TUBGCP2: variants seen among roughly 807,000 people sequenced by gnomAD.
The protein encoded by TUBGCP2 is tubulin gamma complex component 2.
Under a neutral mutation model 92.2 loss-of-function variants are expected in TUBGCP2, and 55 were observed. The observed-to-expected ratio is 0.60, with a 90% CI of 0.48 to 0.75. The LOEUF is 0.75. Among genes scored for constraint, TUBGCP2 ranks in the 30% least tolerant of loss-of-function variants. The pLI, the probability that TUBGCP2 is intolerant of heterozygous loss-of-function variation, is 0.00. For missense variants in TUBGCP2, 1,093 were observed against 1,188.9 expected, an observed-to-expected ratio of 0.92 and a Z score of 1.19; for synonymous variants, 533 against 505.2, an observed-to-expected ratio of 1.06 and a Z score of -0.74.
chr10:133,289,131 C>A, intron 9 of TUBGCP2, 111 bp from the exon 10 acceptor site: 1 of 1,253,972 alleles, frequency 8.0e-7, no homozygotes, highest in Non-Finnish European at 1.1e-6. Context: ...GCTCTCCACA[C>A]GGTCAGTCTG....
Position 133,302,889 on chromosome 10 carries a change from C to T in TUBGCP2, c.53G>A (p.Arg18His), listed in dbSNP as rs146974037. 15 of 1,613,916 alleles carry T rather than the reference C, an allele frequency of 9.3e-6. No homozygotes were observed. The African/African-American group carries it at 1.5e-4, about 16-fold the overall frequency. ...HDVNELLSLL[R>H]VHGGDGAEVY... ...CTCAGCCCCATCTCCTCCGTGGACA[C>T]GCAGCAGGCTAAGCAGTTCATTGAC... Residue 18 changes from arginine (R) to histidine (H), a missense_variant, in exon 2 of 18, where the codon CGT becomes CAT. Physicochemically the swap from Arg to His is conservative, Grantham distance 29 (BLOSUM62 0). This residue lies in a region of TUBGCP2 where 490 missense variants were observed against 488.5 expected (regional missense o/e 1.00). Coordinates refer to ENST00000252936, the MANE Select transcript of TUBGCP2 (RefSeq NM_006659.4).
At chr10:133,312,275 C>G (rs1289705948), upstream of TUBGCP2, 6 of 1,271,096 alleles carry the variant, frequency 4.7e-6, no homozygotes, top group African/African-American at 9.2e-5. Context: ...CTAGCATGAC[C>G]TGTACTGTCT....
At chr10:133,283,691 T>C (rs3008332) in intron 14 of TUBGCP2, among the ~76,000 whole-genome samples, 191 bp downstream of exon 14, 190 of 7,166 alleles carry the variant, frequency 0.027, 27 homozygotes, top group African/African-American at 0.055. Flanking sequence ...CTCTCCCGCA[T>C]TCCCTGCCTC....
Position 133,293,038 on chromosome 10 carries a change from C to T in TUBGCP2, c.1024+1G>A, listed in dbSNP as rs752909493. The T allele has an allele frequency of 1.2e-6, 2 of 1,612,590 alleles. No homozygotes were observed. The highest frequency in any genetic ancestry group is 3.3e-5 in the Admixed American group (2 of 60,014). On this transcript the variant is annotated splice_donor_variant, in intron 7 of 17. Coordinates refer to ENST00000252936, the MANE Select transcript of TUBGCP2 (RefSeq NM_006659.4). LOFTEE classifies it high-confidence loss of function. ...CCCATGCCCCCCGGGCGGGCACGCA[C>T]CGAGGGAGGCCAGGATGTCCATGGT... is the stretch of plus-strand genomic sequence containing the variant.
chr10:133,295,713 G>C (rs969731460), intron 5 of TUBGCP2: 1 of 152,546 alleles, frequency 6.6e-6, no homozygotes, highest in African/African-American at 2.4e-5. Flanking sequence ...GGAACGTGGA[G>C]TGCTGGCAGC....
intron 3 of TUBGCP2, 76 bp downstream of exon 3, chr10:133,299,909 G>C: frequency 6.4e-7 from 1 of 1,565,782 alleles, no homozygotes; most frequent in African/African-American, 1.4e-5. Context: ...AGATGGCGTG[G>C]AGTGAGCAGG....
In TUBGCP2 at chr10:133,293,205, C is replaced by A. The variant is rs1446634909; in HGVS notation, c.858G>T (p.Gly286=). 99 of 1,613,666 alleles carry A rather than the reference C, an allele frequency of 6.1e-5. No individual in the cohort carries two copies. The highest frequency in any genetic ancestry group is 8.2e-5 in the Non-Finnish European group (97 of 1,180,040). ...FIEEKSSFEY[G]QVNHALAAAM... is the part of the protein sequence containing the mutation. The stretch of plus-strand genomic sequence containing the variant: ...CGGCCGCCAGGGCGTGGTTCACCTG[C>A]CCGTACTCGAAGGAAGACTTCTCTT... The change falls in exon 7 of 18, where the codon GGG becomes GGT. Residue 286 remains glycine (G), a synonymous_variant. Transcript: ENST00000252936.
intron 4 of TUBGCP2, among the ~76,000 whole-genome samples, chr10:133,298,548 G>A (rs1337552067): frequency 2.0e-5 from 3 of 152,266 alleles, no homozygotes; most frequent in African/African-American, 7.2e-5. Context: ...TCCTTACCCT[G>A]CCGGAGAAGG....
In TUBGCP2 at chr10:133,285,377, TG is replaced by T; in HGVS notation, c.1895+78del. 1.2e-6 allele frequency: 2 copies of T among 1,601,562 alleles called. No individual in the cohort carries two copies. Among genetic ancestry groups the T allele is most frequent in the Non-Finnish European group, 1.7e-6 (2 of 1,174,934 alleles). On this transcript the variant is annotated intron_variant, in intron 12 of 17. Coordinates refer to ENST00000252936, the MANE Select transcript of TUBGCP2 (RefSeq NM_006659.4). The surrounding 1 kb of genome is among the most constrained non-coding windows in gnomAD (Gnocchi z 6.8). ...GCCTTGGGTCCTCTGTGGGACGAGG[TG>T]GCCACCGCGTGGCACAGTTCTCGCT... is the stretch of plus-strand genomic sequence containing the variant.
intron 5 of TUBGCP2, chr10:133,295,682 C>T (rs564888168): frequency 6.5e-6 from 1 of 152,996 alleles, no homozygotes; most frequent in Admixed American, 6.5e-5. Flanking sequence ...TGGATGCCCA[C>T]ACGGTGAGGA....
chr10:133,305,493 C>T (rs989489466), intron 1 of TUBGCP2, among the ~76,000 whole-genome samples: 3 of 152,068 alleles, frequency 2.0e-5, no homozygotes, highest in Admixed American at 2.0e-4. Flanking sequence ...TCCCCGGGCC[C>T]GCTGTCTTTT....
upstream of TUBGCP2, chr10:133,309,567 C>A: frequency 7.2e-7 from 1 of 1,385,474 alleles, no homozygotes; most frequent in Middle Eastern, 1.9e-4. Context: ...TGCGGCCGCC[C>A]CACCGAGGCG....
At position 133,285,436 on chromosome 10, in the gene TUBGCP2, C is replaced by T. The variant is rs532970199; in HGVS notation, c.1895+20G>A. On this transcript the variant is annotated intron_variant, in intron 12 of 17. Transcript: ENST00000252936. This position sits in a 1 kb window ranked among gnomAD's most constrained non-coding sequence, Gnocchi z 6.8. Reference sequence around the variant, plus strand: ...AACCTGAGTGAAGATCTGGCAGGTGCCCGAGCAGCCGACCCGCACCTGTTG... The same window carrying T: ...AACCTGAGTGAAGATCTGGCAGGTGTCCGAGCAGCCGACCCGCACCTGTTG... 3.1e-6 allele frequency: 5 copies of T among 1,613,036 alleles called. No homozygotes were observed. The highest frequency in any genetic ancestry group is 1.1e-5 in the South Asian group (1 of 90,970).
intron 4 of TUBGCP2, among the ~76,000 whole-genome samples, chr10:133,298,938 G>A (rs1847558643): frequency 6.6e-6 from 1 of 152,266 alleles, no homozygotes; most frequent in African/African-American, 2.4e-5. Context: ...CAGCTCTAAT[G>A]AGAGAGACTG....
upstream of TUBGCP2, chr10:133,312,027 T>C: frequency 6.5e-7 from 1 of 1,538,942 alleles, no homozygotes; most frequent in Non-Finnish European, 8.7e-7. Context: ...TTAGTTTCTC[T>C]CGCATACTCT....
At chr10:133,296,895 G>C (rs926857924) in intron 5 of TUBGCP2, among the ~76,000 whole-genome samples, 9 of 152,204 alleles carry the variant, frequency 5.9e-5, no homozygotes, top group Admixed American at 5.9e-4. Flanking sequence ...CTGTTTGCTT[G>C]GGGATGAGGA....
At chr10:133,306,589 C>T (rs1847824565) in intron 1 of TUBGCP2, among the ~76,000 whole-genome samples, 1 of 152,090 alleles carries the variant, frequency 6.6e-6, no homozygotes. Context: ...AGATCGAGAC[C>T]ATCCTGGCTA....
intron 2 of TUBGCP2, among the ~76,000 whole-genome samples, chr10:133,300,728 C>T (rs1011084272): frequency 1.4e-5 from 2 of 143,652 alleles, no homozygotes; most frequent in African/African-American, 5.6e-5. Context: ...CCACCTGCCT[C>T]GTCCCAAAGT....
chr10:133,312,216 G>A (rs959625884), upstream of TUBGCP2: 16 of 1,381,890 alleles, frequency 1.2e-5, no homozygotes, highest in East Asian at 1.6e-4. Context: ...CGTTTCTAGC[G>A]TCACCTGTGC....
Sources: allele counts gnomAD v4.1 joint callset (sites outside exome capture counted in the v4.1 genomes callset), GRCh38; gene constraint gnomAD v4.1.1; regional missense constraint gnomAD v4.1.1; non-coding constraint Gnocchi (gnomAD v3.1); transcripts MANE v1.5; gene names NCBI Gene and HGNC (gene_info 2026-07-23, HGNC 2026-07-21).